MCC: variants seen among roughly 807,000 people sequenced by gnomAD.
MCC encodes MCC regulator of Wnt signaling pathway.
A neutral mutation model predicts 116.2 loss-of-function variants in MCC; 90 were observed. The ratio of observed to expected loss-of-function variants is 0.77; its 90% CI spans 0.65 to 0.92. The LOEUF (loss-of-function observed/expected upper bound fraction) is 0.92. Ranked by LOEUF, MCC falls within the 40% of genes least tolerant of loss-of-function variation. MCC has a pLI of 0.00. For synonymous variants in MCC, 578 were observed against 510.5 expected (o/e 1.13, Z -1.78); for missense variants, 1,516 against 1,312.2 (o/e 1.16, Z -2.40).
At chr5:113,155,362 C>T (rs946085635) in intron 3 of MCC, among the ~76,000 whole-genome samples, 6 of 152,170 alleles carry the variant, frequency 3.9e-5, no homozygotes, top group African/African-American at 9.7e-5. Flanking sequence ...ACAGGTGTTC[C>T]TGTAATAAGC....
intron 3 of MCC, among the ~76,000 whole-genome samples, chr5:113,291,876 C>G (rs1355986384): frequency 6.6e-6 from 1 of 152,152 alleles, no homozygotes; most frequent in Non-Finnish European, 1.5e-5. Context: ...ATGGTAAATA[C>G]TAAAGTTATT....
intron 3 of MCC, among the ~76,000 whole-genome samples, chr5:113,152,126 A>G (rs1759912314): frequency 6.6e-6 from 1 of 152,210 alleles, no homozygotes; most frequent in African/African-American, 2.4e-5. Context: ...CAACTGAGGT[A>G]TCTTTCTGCA....
Position 113,068,180 on chromosome 5 carries a change from C to G in MCC, c.1929G>C (p.Glu643Asp), listed in dbSNP as rs1308124722. ...TALRLALQYSEQCIEAYELLL... is the reference protein window; with the variant it reads ...TALRLALQYSDQCIEAYELLL... ...GGAGTTCGTAGGCTTCGATGCACTG[C>G]TCGCTGAAACAAAGCACATGGGGCC... Residue 643 changes from glutamate to aspartate, a missense_variant, in exon 13 of 19, where the codon GAG becomes GAC. By Grantham distance (45) the Glu-to-Asp change is conservative (BLOSUM62 2). Coordinates refer to ENST00000408903, the MANE Select transcript of MCC (RefSeq NM_001085377.2). 1 of 1,613,128 alleles carries G rather than the reference C, an allele frequency of 6.2e-7. No homozygotes were observed. Among genetic ancestry groups the G allele is most frequent in the Non-Finnish European group, 8.5e-7 (1 of 1,179,152 alleles).
chr5:113,075,591 A>C (rs1754387415), intron 11 of MCC, among the ~76,000 whole-genome samples: 1 of 152,172 alleles, frequency 6.6e-6, no homozygotes, highest in Non-Finnish European at 1.5e-5. Flanking sequence ...AAGGTTTGTA[A>C]ATGCACCAGT....
intron 3 of MCC, among the ~76,000 whole-genome samples, chr5:113,176,423 GTCAACAGAAT>G: frequency 6.6e-6 from 1 of 152,196 alleles, no homozygotes; most frequent in Non-Finnish European, 1.5e-5. Flanking sequence ...GAAGACAACT[GTCAACAGAAT>G]TCTCAGGAAA....
In MCC at chr5:113,110,778, G is replaced by A. The variant is rs115802989; in HGVS notation, c.1028-6423C>T. 4.6e-3 allele frequency among the ~76,000 whole-genome samples: 698 copies of A among 152,322 alleles called. 9 individuals are homozygous for A. Among genetic ancestry groups the A allele is most frequent in the African/African-American group, 0.016 (660 of 41,558 alleles). On this transcript the variant is annotated intron_variant, in intron 6 of 18. Transcript: ENST00000408903. ...AAGATGTGCTTGCATATGGGATAGG[G>A]CTATGGTGTCTGGCATGGCCTTTTT...
intron 1 of MCC, among the ~76,000 whole-genome samples, chr5:113,445,108 G>A (rs1771171003): frequency 6.6e-6 from 1 of 152,116 alleles, no homozygotes; most frequent in African/African-American, 2.4e-5. Context: ...TATGGTCATG[G>A]TCTCATTTTC....
chr5:113,286,480 TCA>T (rs1437121170), intron 3 of MCC, among the ~76,000 whole-genome samples: 7 of 152,200 alleles, frequency 4.6e-5, no homozygotes, highest in Non-Finnish European at 1.0e-4. Flanking sequence ...TCTCAAATAA[TCA>T]CACACCATAG....
intron 4 of MCC, among the ~76,000 whole-genome samples, chr5:113,146,833 C>T (rs1759554343): frequency 6.6e-6 from 1 of 152,046 alleles, no homozygotes; most frequent in Non-Finnish European, 1.5e-5. Context: ...TCTGTCATTA[C>T]AGGTAATTGC....
intron 17 of MCC, among the ~76,000 whole-genome samples, chr5:113,041,782 G>A (rs1160787984): frequency 6.6e-6 from 1 of 152,298 alleles, no homozygotes; most frequent in East Asian, 1.9e-4. Context: ...ATCACATGAG[G>A]TCAGGAGTTC....
intron 2 of MCC, among the ~76,000 whole-genome samples, chr5:113,380,954 C>T (rs1394502053): frequency 6.6e-6 from 1 of 152,176 alleles, no homozygotes; most frequent in Non-Finnish European, 1.5e-5. Context: ...GGAATTTGGA[C>T]TTTATTTTAA....
At chr5:113,221,756 T>C (rs1376553587) in intron 3 of MCC, among the ~76,000 whole-genome samples, 1 of 152,212 alleles carries the variant, frequency 6.6e-6, no homozygotes, top group South Asian at 2.1e-4. Flanking sequence ...TATGATTTCA[T>C]CTCTGGCTTG....
At chr5:113,251,690 G>C (rs556895680) in intron 3 of MCC, among the ~76,000 whole-genome samples, 32 of 152,240 alleles carry the variant, frequency 2.1e-4, no homozygotes, top group African/African-American at 7.7e-4. Context: ...TCAGAGTTTG[G>C]GGAAGTCTCA....
chr5:113,184,848 T>A (rs1761818239), intron 3 of MCC, among the ~76,000 whole-genome samples: 1 of 152,166 alleles, frequency 6.6e-6, no homozygotes, highest in African/African-American at 2.4e-5. Context: ...AATTACCAAC[T>A]GAAATAGATG....
intron 2 of MCC, among the ~76,000 whole-genome samples, chr5:113,358,559 C>T (rs1482201014): frequency 1.3e-5 from 2 of 152,088 alleles, no homozygotes; most frequent in African/African-American, 4.8e-5. Flanking sequence ...TGTTTAGTGG[C>T]CCTGTATCTT....
intron 2 of MCC, among the ~76,000 whole-genome samples, chr5:113,378,643 T>C (rs950415741): frequency 3.3e-5 from 5 of 152,154 alleles, no homozygotes; most frequent in African/African-American, 9.7e-5. Flanking sequence ...ACAGCCTCAT[T>C]AGGTCAGCTC....
At chr5:113,266,526 A>C (rs143703211) in intron 3 of MCC, among the ~76,000 whole-genome samples, 2 of 152,210 alleles carry the variant, frequency 1.3e-5, no homozygotes, top group East Asian at 3.9e-4. Flanking sequence ...AAGATGGGAT[A>C]GCACTACTCC....
chr5:113,327,587 A>T (rs6873577), intron 3 of MCC, among the ~76,000 whole-genome samples: 9,600 of 93,060 alleles, frequency 0.1, 501 homozygotes, highest in Non-Finnish European at 0.12. Flanking sequence ...TATATATATA[A>T]AAATCTCATC....
intron 3 of MCC, among the ~76,000 whole-genome samples, chr5:113,264,463 G>A (rs979922482): frequency 6.6e-6 from 1 of 152,102 alleles, no homozygotes; most frequent in Non-Finnish European, 1.5e-5. Context: ...TCTTCCAGAG[G>A]TCTTGTGGGA....
Sources: allele counts gnomAD v4.1 joint callset (sites outside exome capture counted in the v4.1 genomes callset), GRCh38; gene constraint gnomAD v4.1.1; transcripts MANE v1.5; gene names NCBI Gene and HGNC (gene_info 2026-07-23, HGNC 2026-07-21).